The following RAMP1 variants were observed in gnomAD, a reference collection of about 807,000 sequenced individuals.
RAMP1 encodes the protein receptor activity-modifying protein 1.
A neutral mutation model predicts 8.2 loss-of-function variants in RAMP1; 7 were observed. The observed-to-expected ratio is 0.85, with a 90% CI of 0.49 to 1.60. The LOEUF (loss-of-function observed/expected upper bound fraction) is 1.60, where lower values mean the gene tolerates loss of function less well. Among genes scored for constraint, RAMP1 ranks in the 40% most tolerant of loss-of-function variants. The pLI, the probability that RAMP1 is intolerant of heterozygous loss-of-function variation, is 0.00. For missense variants in RAMP1, 192 were observed against 202.4 expected (o/e 0.95, Z 0.31); for synonymous variants, 92 against 84.7 (o/e 1.09, Z -0.47).
chr2:237,878,225 C>A lies in RAMP1; in HGVS notation c.191+863C>A. 1.0e-6 allele frequency: 1 copy of A among 961,850 alleles called. No individual in the cohort carries two copies. The highest frequency in any genetic ancestry group is 1.2e-6 in the Non-Finnish European group (1 of 808,440). 59.6% of individuals were successfully genotyped at this position (961,850 alleles called of 1,614,324 possible). A position where few individuals can be genotyped will look rare whatever the true frequency, so the allele number is the denominator to read the frequency against. ...ACAGCGCAGCGCAAGTCCTGGTGCCCCACCGATGACAAGCGCTTTCCCCAG... is the reference window on the plus strand; with the variant it reads ...ACAGCGCAGCGCAAGTCCTGGTGCCACACCGATGACAAGCGCTTTCCCCAG... On this transcript the variant is annotated intron_variant, in intron 2 of 2. Coordinates refer to ENST00000254661, the MANE Select transcript of RAMP1 (RefSeq NM_005855.4). The surrounding 1 kb of genome is among the most constrained non-coding windows in gnomAD (Gnocchi z 5.7).
At chr2:237,898,734 C>T (rs2062568036) in intron 2 of RAMP1, among the ~76,000 whole-genome samples, 1 of 152,238 alleles carries the variant, frequency 6.6e-6, no homozygotes, top group Non-Finnish European at 1.5e-5. Context: ...GGAAGCTACA[C>T]TGCGTGGGCT....
rs997924414 is a variant in RAMP1 at position 237,911,872 on chromosome 2, A to G, written c.*89A>G. Reference sequence around the variant, plus strand: ...GGGGCAGCTTCTGGAGCCTTGGGACAGAGCAGGCCCACAATGCCCCCCTTC... The same window carrying G: ...GGGGCAGCTTCTGGAGCCTTGGGACGGAGCAGGCCCACAATGCCCCCCTTC... On this transcript the variant is annotated 3_prime_UTR_variant, in exon 3 of 3. Transcript: ENST00000254661. 1.4e-6 allele frequency: 2 copies of G among 1,471,682 alleles called. No individual in the cohort carries two copies. Among genetic ancestry groups the G allele is most frequent in the Non-Finnish European group, 9.0e-7 (1 of 1,107,318 alleles). 91.2% of individuals were successfully genotyped at this position (1,471,682 alleles called of 1,614,324 possible).
intron 2 of RAMP1, among the ~76,000 whole-genome samples, chr2:237,902,053 A>G (rs964049311): frequency 1.3e-5 from 2 of 152,126 alleles, no homozygotes; most frequent in African/African-American, 4.8e-5. Flanking sequence ...GTTCACAGCC[A>G]GAAGTGAACA....
intron 2 of RAMP1, among the ~76,000 whole-genome samples, chr2:237,886,815 C>T (rs1486530536): frequency 2.6e-5 from 4 of 152,200 alleles, no homozygotes; most frequent in Non-Finnish European, 4.4e-5. Flanking sequence ...TGCGTCAACG[C>T]GAAAGGTCAG....
chr2:237,863,013 A>C (rs13382992), intron 1 of RAMP1, among the ~76,000 whole-genome samples: 7,857 of 152,126 alleles, frequency 0.052, 669 homozygotes, highest in African/African-American at 0.18. Context: ...CCATCATGTG[A>C]CCCATAACGT....
At chr2:237,893,709 C>T (rs2062508962) in intron 2 of RAMP1, among the ~76,000 whole-genome samples, 1 of 152,082 alleles carries the variant, frequency 6.6e-6, no homozygotes, top group Admixed American at 6.5e-5. Context: ...GAGGCCAAGG[C>T]AGGTGGATCA....
intron 1 of RAMP1, among the ~76,000 whole-genome samples, chr2:237,875,116 C>T (rs3769033): frequency 0.22 from 33,342 of 152,098 alleles, 4,380 homozygotes; most frequent in African/African-American, 0.37. Context: ...CCTCCTGAGC[C>T]CCTGGGAGCT....
intron 2 of RAMP1, among the ~76,000 whole-genome samples, chr2:237,890,204 A>T (rs544702067): frequency 2.1e-5 from 3 of 145,120 alleles, no homozygotes; most frequent in Non-Finnish European, 3.1e-5. Flanking sequence ...GTGGGAAATA[A>T]TTTTTTTTTT....
intron 2 of RAMP1, among the ~76,000 whole-genome samples, chr2:237,904,603 G>A (rs2062636042): frequency 6.6e-6 from 1 of 152,146 alleles, no homozygotes; most frequent in African/African-American, 2.4e-5. Flanking sequence ...GCAAAACGCT[G>A]TCTAAAATAA....
chr2:237,906,848 G>A (rs1053399511), intron 2 of RAMP1, among the ~76,000 whole-genome samples: 4 of 148,340 alleles, frequency 2.7e-5, no homozygotes, highest in African/African-American at 5.0e-5. Context: ...TCAGCCTCCC[G>A]AGTAGCTGGG....
chr2:237,885,810 C>A (rs182332564), intron 2 of RAMP1, among the ~76,000 whole-genome samples: 6 of 152,368 alleles, frequency 3.9e-5, no homozygotes, highest in East Asian at 3.9e-4. Context: ...CTCTGCCCCC[C>A]CTGGGTGGGA....
chr2:237,861,264 T>G (rs1403861949), intron 1 of RAMP1, among the ~76,000 whole-genome samples: 2 of 152,178 alleles, frequency 1.3e-5, no homozygotes, highest in Admixed American at 6.5e-5. Flanking sequence ...CCTGTAATTT[T>G]AACGTTATTT....
rs147407024 is a variant in RAMP1 at position 237,877,339 on chromosome 2, G to A, written c.168G>A (p.Trp56Ter). The change falls in exon 2 of 3, where the codon TGG (tryptophan) becomes TGA (stop). Residue 56 changes from tryptophan (W) to a stop codon, truncating the protein, a stop_gained. Transcript: ENST00000254661. LOFTEE classifies it low-confidence loss of function (END_TRUNC). The surrounding 1 kb of genome is among the most constrained non-coding windows in gnomAD (Gnocchi z 4.4). ...VDMEAVGETL[W>*]CDWGRTIRSY... ...TGGAGGCCGTCGGGGAGACGCTGTG[G>A]TGTGACTGGGGCAGGACCATCAGGT... 1.6e-5 allele frequency: 26 copies of A among 1,613,518 alleles called. No homozygotes were observed. Among genetic ancestry groups the A allele is most frequent in the Non-Finnish European group, 2.1e-5 (25 of 1,179,814 alleles).
At chr2:237,889,873 G>T (rs2062471656) in intron 2 of RAMP1, among the ~76,000 whole-genome samples, 1 of 152,146 alleles carries the variant, frequency 6.6e-6, no homozygotes, top group Non-Finnish European at 1.5e-5. Flanking sequence ...CAATCCTCCT[G>T]CCTGAGCCTC....
chr2:237,891,215 G>A (rs4663800), intron 2 of RAMP1, among the ~76,000 whole-genome samples: 99,213 of 149,658 alleles, frequency 0.66, 33,288 homozygotes, highest in African/African-American at 0.8. Flanking sequence ...CAGTGGCATG[G>A]TCTCGGCTCA....
intron 2 of RAMP1, among the ~76,000 whole-genome samples, chr2:237,906,389 G>A (rs980626528): frequency 6.6e-6 from 1 of 152,146 alleles, no homozygotes; most frequent in Non-Finnish European, 1.5e-5. Flanking sequence ...GAAAAACAGT[G>A]ACCGTACGAT....
Position 237,880,156 on chromosome 2 carries a change from G to A in RAMP1, c.191+2794G>A, listed in dbSNP as rs73092510. On this transcript the variant is annotated intron_variant, in intron 2 of 2. Transcript: ENST00000254661. ...TCCATGCGTAATTCCTGGAACTGTC[G>A]ATGTGTCACACGGCAAAGGGGATAA... Among the ~76,000 whole-genome samples the A allele has an allele frequency of 2.5e-3, 381 of 152,126 alleles. 2 individuals are homozygous for A. The highest frequency in any genetic ancestry group is 8.4e-3 in the African/African-American group (349 of 41,448).
At chr2:237,863,053 C>G (rs1001810941) in intron 1 of RAMP1, among the ~76,000 whole-genome samples, 1 of 152,144 alleles carries the variant, frequency 6.6e-6, no homozygotes, top group Non-Finnish European at 1.5e-5. Context: ...CTTGCAGGGA[C>G]GGCAGGCTCA....
rs750705447 is a variant in RAMP1, at chr2:237,911,481, G to A, written c.192-47G>A. ...CAGCCCGGGCTGGGGTCCCGCGTTG[G>A]ATCCCCCGCCTGCCCAGGGTCTTAC... On this transcript the variant is annotated intron_variant, in intron 2 of 2. Coordinates refer to ENST00000254661, the MANE Select transcript of RAMP1 (RefSeq NM_005855.4). 5 of 1,601,596 alleles carry A rather than the reference G, an allele frequency of 3.1e-6. No homozygotes were observed. The Admixed American group carries it at 8.4e-5, about 27-fold the overall frequency.
Sources: allele counts gnomAD v4.1 joint callset (sites outside exome capture counted in the v4.1 genomes callset), GRCh38; gene constraint gnomAD v4.1.1; non-coding constraint Gnocchi (gnomAD v3.1); transcripts MANE v1.5; gene names NCBI Gene and HGNC (gene_info 2026-07-23, HGNC 2026-07-21).